Variants in AUTS2 observed in about 807,000 individuals in gnomAD.
AUTS2 encodes the protein activator of transcription and developmental regulator AUTS2.
In AUTS2, 17 loss-of-function variants were observed where a neutral mutation model predicts 112.4. The observed-to-expected ratio is 0.15, with a 90% CI of 0.10 to 0.23. The LOEUF is 0.23. Ranked by LOEUF, AUTS2 falls within the 10% of genes least tolerant of loss-of-function variation. The pLI is 1.00. For missense variants in AUTS2, 1,510 were observed against 1,701.6 expected (o/e 0.89, Z 1.98); for synonymous variants, 751 against 702.7 (o/e 1.07, Z -1.09).
chr7:70,502,794 A>ATGG (rs1798818122), intron 5 of AUTS2, among the ~76,000 whole-genome samples: 1 of 152,210 alleles, frequency 6.6e-6, no homozygotes, highest in African/African-American at 2.4e-5. Flanking sequence ...TATCACAGCT[A>ATGG]TGGTATAGTC....
intron 4 of AUTS2, among the ~76,000 whole-genome samples, chr7:70,136,085 A>T (rs546576591): frequency 6.6e-6 from 1 of 152,084 alleles, no homozygotes; most frequent in African/African-American, 2.4e-5. Flanking sequence ...GATTTTCATT[A>T]TGCTTTTTGC....
intron 2 of AUTS2, among the ~76,000 whole-genome samples, chr7:69,915,819 C>T (rs913507757): frequency 7.2e-5 from 11 of 152,268 alleles, no homozygotes; most frequent in Middle Eastern, 3.4e-3. Flanking sequence ...CTCTGCCCCC[C>T]GGGCTTAAGT....
intron 2 of AUTS2, among the ~76,000 whole-genome samples, chr7:69,976,354 A>G (rs1563008854): frequency 1.3e-5 from 2 of 152,224 alleles, no homozygotes; most frequent in Admixed American, 6.5e-5. Flanking sequence ...AGGCTATATA[A>G]TATTCCATTG....
chr7:70,754,076 G>A lies in AUTS2; in HGVS notation c.743-8794G>A, dbSNP rs370514622. Among the ~76,000 whole-genome samples, 40 of 152,260 alleles carry A rather than the reference G, an allele frequency of 2.6e-4. 1 individual carries two copies. The South Asian group carries it at 7.5e-3, about 28-fold the overall frequency. On this transcript the variant is annotated intron_variant, in intron 6 of 18. Coordinates refer to ENST00000342771, the MANE Select transcript of AUTS2 (RefSeq NM_015570.4). ...CTGGGGAGGCTGAGGCAAGAGAATG[G>A]CGTGAACCCAGGAAGCGGAGCTTAC... is the stretch of plus-strand genomic sequence containing the variant.
chr7:70,384,551 C>T (rs1342990259), intron 4 of AUTS2, among the ~76,000 whole-genome samples: 1 of 152,198 alleles, frequency 6.6e-6, no homozygotes, highest in African/African-American at 2.4e-5. Flanking sequence ...ACTGCCATTC[C>T]AGCTCAGCTC....
In AUTS2 at chr7:70,790,046, G is replaced by C. The variant is rs781437098; in HGVS notation, c.2830G>C (p.Val944Leu). ...KQLARVPSPY[V>L]RTPVVESARP... ...GCTGGCCCGGGTGCCGTCTCCCTAC[G>C]TGCGGACCCCGGTGGTGGAGAGTGC... Residue 944 changes from valine (V) to leucine (L), a missense_variant, in exon 19 of 19, where the codon GTG becomes CTG. Physicochemically the swap from Val to Leu is conservative, Grantham distance 32. Around this residue, in one of 3 missense-constraint regions of AUTS2, gnomAD observed 788 missense variants for 797.6 expected, o/e 0.99. Coordinates refer to ENST00000342771, the MANE Select transcript of AUTS2 (RefSeq NM_015570.4). This position sits in a 1 kb window ranked among gnomAD's most constrained non-coding sequence, Gnocchi z 7.6. The C allele has an allele frequency of 2.0e-5, 32 of 1,580,424 alleles. No individual in the cohort carries two copies. The South Asian group carries it at 3.6e-4, about 18-fold the overall frequency.
chr7:69,760,774 C>T (rs1043570189), intron 1 of AUTS2, among the ~76,000 whole-genome samples: 3 of 152,102 alleles, frequency 2.0e-5, no homozygotes, highest in African/African-American at 7.2e-5. Flanking sequence ...GAGCCGAGAT[C>T]GTGCCACTGC....
chr7:69,851,701 T>G (rs546136453), intron 1 of AUTS2, among the ~76,000 whole-genome samples: 1 of 152,350 alleles, frequency 6.6e-6, no homozygotes, highest in South Asian at 2.1e-4. Flanking sequence ...ATACAGGTCC[T>G]ATACATCTTT....
intron 4 of AUTS2, among the ~76,000 whole-genome samples, chr7:70,209,982 C>A (rs1419380456): frequency 1.3e-5 from 2 of 151,912 alleles, no homozygotes; most frequent in African/African-American, 4.8e-5. Context: ...TGTAAGAAAA[C>A]AGAAAATACA....
chr7:69,727,350 G>T (rs1786565154), intron 1 of AUTS2, among the ~76,000 whole-genome samples: 1 of 152,074 alleles, frequency 6.6e-6, no homozygotes, highest in African/African-American at 2.4e-5. Flanking sequence ...CCAGCACTTT[G>T]GGGGGATGAG....
intron 2 of AUTS2, among the ~76,000 whole-genome samples, chr7:70,018,069 C>T (rs1180744568): frequency 6.6e-6 from 1 of 151,970 alleles, no homozygotes; most frequent in African/African-American, 2.4e-5. Context: ...CATGAAGCAT[C>T]CCAGAATCAA....
intron 1 of AUTS2, among the ~76,000 whole-genome samples, chr7:69,826,896 G>A (rs1791273147): frequency 6.6e-6 from 1 of 152,110 alleles, no homozygotes; most frequent in Admixed American, 6.5e-5. Flanking sequence ...GTTCTATGCT[G>A]TCTACCTTTA....
chr7:70,486,451 G>C (rs1347427429), intron 5 of AUTS2, among the ~76,000 whole-genome samples: 2 of 152,170 alleles, frequency 1.3e-5, no homozygotes, highest in Non-Finnish European at 1.5e-5. Context: ...GTTAGTTGTT[G>C]TTTGGCCAGG....
intron 4 of AUTS2, among the ~76,000 whole-genome samples, chr7:70,216,800 T>A (rs1479342168): frequency 2.0e-5 from 3 of 152,222 alleles, no homozygotes; most frequent in Non-Finnish European, 4.4e-5. Context: ...TGATCTTACT[T>A]TCCCAGTCTC....
intron 4 of AUTS2, among the ~76,000 whole-genome samples, chr7:70,250,579 T>A (rs1447625139): frequency 6.6e-6 from 1 of 152,202 alleles, no homozygotes; most frequent in Admixed American, 6.5e-5. Context: ...TAATTATACA[T>A]GTACTATTTA....
chr7:69,805,397 C>G (rs1001280981), intron 1 of AUTS2, among the ~76,000 whole-genome samples: 1 of 152,060 alleles, frequency 6.6e-6, no homozygotes, highest in Non-Finnish European at 1.5e-5. Flanking sequence ...ACAAATAATA[C>G]GCAGAGGCAG....
rs73450509 is a variant in AUTS2, at chr7:70,505,009, A to G, written c.690+69228A>G. On this transcript the variant is annotated intron_variant, in intron 5 of 18. Coordinates refer to ENST00000342771, the MANE Select transcript of AUTS2 (RefSeq NM_015570.4). ...AAAAGCTGCCTCTGAACAGACCAAT[A>G]CACTAAGCAATCAGAGATTTCAAGA... is the stretch of plus-strand genomic sequence containing the variant. 7.5e-3 allele frequency among the ~76,000 whole-genome samples: 1,141 copies of G among 152,334 alleles called. 16 individuals are homozygous for G. Among genetic ancestry groups the G allele is most frequent in the African/African-American group, 0.026 (1,084 of 41,576 alleles).
At chr7:70,091,106 C>G (rs1182699999) in intron 2 of AUTS2, among the ~76,000 whole-genome samples, 1 of 152,168 alleles carries the variant, frequency 6.6e-6, no homozygotes, top group African/African-American at 2.4e-5. Context: ...GCGGTTGATA[C>G]TTTCTTTTCC....
chr7:70,548,544 AC>A (rs1800885440), intron 5 of AUTS2, among the ~76,000 whole-genome samples: 1 of 152,170 alleles, frequency 6.6e-6, no homozygotes, highest in South Asian at 2.1e-4. Context: ...TTTAACTCTT[AC>A]ATTCATCTAT....
Sources: gnomAD v4.1 joint callset for allele counts (sites outside exome capture counted in the v4.1 genomes callset) on GRCh38, gnomAD v4.1.1 for gene constraint, gnomAD v4.1.1 regional missense constraint, Gnocchi (gnomAD v3.1) non-coding constraint, MANE v1.5 for transcripts, NCBI Gene and HGNC (gene_info 2026-07-23, HGNC 2026-07-21) for gene names.